RIPK4: variants seen among roughly 807,000 people sequenced by gnomAD.
RIPK4 encodes receptor-interacting serine/threonine-protein kinase 4.
Under a neutral mutation model 42.9 loss-of-function variants are expected in RIPK4, and 17 were observed. The ratio of observed to expected loss-of-function variants is 0.40; its 90% confidence interval spans 0.27 to 0.59. The LOEUF (loss-of-function observed/expected upper bound fraction) is 0.59, where lower values mean the gene tolerates loss of function less well. Ranked by LOEUF, RIPK4 falls within the 20% of genes least tolerant of loss-of-function variation. The pLI, the probability that RIPK4 is intolerant of heterozygous loss-of-function variation, is 0.47. For missense variants in RIPK4, 897 were observed against 1,104.4 expected, an observed-to-expected ratio of 0.81 and a Z score of 2.66; for synonymous variants, 498 against 499.1, an observed-to-expected ratio of 1.00 and a Z score of 0.03.
intron 1 of RIPK4, among the ~76,000 whole-genome samples, chr21:41,766,116 C>T (rs983682690): frequency 2.0e-5 from 3 of 152,260 alleles, no homozygotes; most frequent in African/African-American, 7.2e-5. Context: ...AAGGCCCTTC[C>T]CTAGCGGGTC....
chr21:41,751,172 C>A lies in RIPK4; in HGVS notation c.548G>T (p.Gly183Val). The change falls in exon 3 of 8, where the codon GGC (glycine) becomes GTC (valine). Residue 183 changes from glycine to valine, a missense_variant. Physicochemically the swap from Gly to Val is moderately radical, Grantham distance 109. Transcript: ENST00000332512. This position sits in a 1 kb window ranked among gnomAD's most constrained non-coding sequence, Gnocchi z 4.5. ...SHDLSMDGLFGTIAYLPPERI... is the reference protein window; with the variant it reads ...SHDLSMDGLFVTIAYLPPERI... Reference sequence around the variant, plus strand: ...CTCTGGAGGGAGGTAGGCGATTGTGCCAAACAGGCCATCCATGCTGAGGTC... The same window carrying A: ...CTCTGGAGGGAGGTAGGCGATTGTGACAAACAGGCCATCCATGCTGAGGTC... 6.2e-7 allele frequency: 1 copy of A among 1,614,230 alleles called. No individual in the cohort carries two copies. Among genetic ancestry groups the A allele is most frequent in the Non-Finnish European group, 8.5e-7 (1 of 1,180,038 alleles).
rs1408281970 is a variant in RIPK4, at chr21:41,739,938, A to T, written c.*900T>A. Reference sequence around the variant, plus strand: ...AATTTTATCTTCATACTGCGTGTGGAGATAAAAAACACAGCTTCTCCTGCA... The same window carrying T: ...AATTTTATCTTCATACTGCGTGTGGTGATAAAAAACACAGCTTCTCCTGCA... On this transcript the variant is annotated 3_prime_UTR_variant, in exon 8 of 8. Transcript: ENST00000332512. 2.0e-5 allele frequency: 3 copies of T among 152,232 alleles called. No individual in the cohort carries two copies. Among genetic ancestry groups the T allele is most frequent in the Non-Finnish European group, 4.4e-5 (3 of 68,044 alleles). The allele number at this position is 152,232 out of a possible 1,614,324, so 9.4% of individuals were successfully genotyped here. A position where few individuals can be genotyped will look rare whatever the true frequency, so the allele number is the denominator to read the frequency against.
Position 41,744,758 on chromosome 21 carries a change from G to A in RIPK4, c.937-618C>T, listed in dbSNP as rs140132617. On this transcript the variant is annotated intron_variant, in intron 6 of 7. Coordinates refer to ENST00000332512, the MANE Select transcript of RIPK4 (RefSeq NM_020639.3). Reference sequence around the variant, plus strand: ...ACGTGGCCACAACTGCGACCTCCCCGCGGAGCCACGTGGGGCTGGCCTGGG... The same window carrying A: ...ACGTGGCCACAACTGCGACCTCCCCACGGAGCCACGTGGGGCTGGCCTGGG... Among the ~76,000 whole-genome samples the A allele has an allele frequency of 5.4e-3, 824 of 152,278 alleles. 5 individuals are homozygous for A. Among genetic ancestry groups the A allele is most frequent in the African/African-American group, 0.018 (743 of 41,560 alleles).
chr21:41,749,318 C>T, intron 3 of RIPK4, 115 bp from the exon 4 acceptor site: 1 of 954,154 alleles, frequency 1.0e-6, no homozygotes, highest in Non-Finnish European at 1.6e-6. Flanking sequence ...AAAGACAGAG[C>T]CATGACACCG....
chr21:41,749,518 C>G (rs898391686), intron 3 of RIPK4, among the ~76,000 whole-genome samples: 2 of 152,226 alleles, frequency 1.3e-5, no homozygotes, highest in Non-Finnish European at 2.9e-5. Context: ...GCCTGTGTGC[C>G]TCACTGATAT....
chr21:41,743,741 C>T, intron 7 of RIPK4, 141 bp downstream of exon 7: 1 of 1,134,576 alleles, frequency 8.8e-7, no homozygotes. Flanking sequence ...AAATTAATTA[C>T]TTAAGACAGA....
At chr21:41,743,859 G>A (rs2061161859) in intron 7 of RIPK4, 23 bp downstream of exon 7, 3 of 1,562,640 alleles carry the variant, frequency 1.9e-6, no homozygotes, top group Non-Finnish European at 2.6e-6. Flanking sequence ...CATCTCTCGG[G>A]ACACAGAGGC....
At chr21:41,758,033 T>A in intron 1 of RIPK4, among the ~76,000 whole-genome samples, 1 of 96,100 alleles carries the variant, frequency 1.0e-5, no homozygotes, top group Non-Finnish European at 1.9e-5. Flanking sequence ...TATATATATA[T>A]ATATATATAG....
rs2061238962 is a variant in RIPK4, at chr21:41,766,870, C to T, written c.172G>A (p.Val58Ile). The T allele has an allele frequency of 6.2e-7, 1 of 1,609,208 alleles. No individual in the cohort carries two copies. ...LAIKCSPSLH[V>I]DDRERMELLE... The stretch of plus-strand genomic sequence containing the variant: ...GCCCGGGCCGCTCACCTGTCGTCGA[C>T]GTGCAGGCTGGGCGAGCACTTGATG... Residue 58 changes from valine (V) to isoleucine (I), a missense_variant, in exon 1 of 8, where the codon GTC becomes ATC. Transcript: ENST00000332512.
chr21:41,746,628 T>G lies in RIPK4; in HGVS notation c.817A>C (p.Arg273=). 1 of 1,610,222 alleles carries G rather than the reference T, an allele frequency of 6.2e-7. No individual in the cohort carries two copies. The highest frequency in any genetic ancestry group is 8.5e-7 in the Non-Finnish European group (1 of 1,179,684). The stretch of plus-strand genomic sequence containing the variant: ...GGGTGCTCACCTTGGAAGGTGGGCC[T>G]AACTCGCGGATCCCCCTGCCAGCAC... ...QRCWQGDPRV[R]PTFQEITSET... Residue 273 remains arginine, a synonymous_variant, in exon 5 of 8, where the codon AGG becomes CGG. Coordinates refer to ENST00000332512, the MANE Select transcript of RIPK4 (RefSeq NM_020639.3).
rs781646416 is a variant in RIPK4 at position 41,741,483 on chromosome 21, G to A, written c.1710C>T (p.Ala570=). The A allele has an allele frequency of 3.1e-6, 5 of 1,612,534 alleles. No homozygotes were observed. The highest frequency in any genetic ancestry group is 4.2e-6 in the Non-Finnish European group (5 of 1,179,964). ...GVDVSLQGKD[A]WLPLHYAAWQ... is the part of the protein sequence containing the mutation. The stretch of plus-strand genomic sequence containing the variant: ...AGGCAGCGTAGTGCAGTGGCAGCCA[G>A]GCATCCTTGCCCTGCAGGCTCACGT... The change falls in exon 8 of 8, where the codon GCC becomes GCT. Residue 570 remains alanine (A), a synonymous_variant. Transcript: ENST00000332512.
rs963858737 is a variant in RIPK4 at position 41,740,574 on chromosome 21, A to G, written c.*264T>C. The G allele has an allele frequency of 6.7e-5, 33 of 489,794 alleles. No individual in the cohort carries two copies. The Admixed American group carries it at 8.6e-4, about 13-fold the overall frequency. The allele number at this position is 489,794 out of a possible 1,614,324, so 30.3% of individuals were successfully genotyped here. On this transcript the variant is annotated 3_prime_UTR_variant, in exon 8 of 8. Coordinates refer to ENST00000332512, the MANE Select transcript of RIPK4 (RefSeq NM_020639.3). ...AGCCTCAGCGACCCATTAGGAGCAC[A>G]ACGAAATGATTCTGACCCACGGTCC...
chr21:41,751,711 G>T lies in RIPK4; in HGVS notation c.475-466C>A, dbSNP rs73369691. Among the ~76,000 whole-genome samples, 9 of 152,346 alleles carry T rather than the reference G, an allele frequency of 5.9e-5. No individual in the cohort carries two copies. The highest frequency in any genetic ancestry group is 1.7e-4 in the African/African-American group (7 of 41,576). On this transcript the variant is annotated intron_variant, in intron 2 of 7. Coordinates refer to ENST00000332512, the MANE Select transcript of RIPK4 (RefSeq NM_020639.3). This position sits in a 1 kb window ranked among gnomAD's most constrained non-coding sequence, Gnocchi z 4.5. ...TGCAACCTGCCAGCTGGGGAGGCTG[G>T]CGGGCAAGTGGCTGCAAGTCCTTTA...
intron 3 of RIPK4, among the ~76,000 whole-genome samples, chr21:41,750,224 G>A (rs570491304): frequency 4.6e-5 from 7 of 152,220 alleles, no homozygotes; most frequent in African/African-American, 9.6e-5. Flanking sequence ...GCTCACATGC[G>A]GGGTCCGAGT....
chr21:41,745,045 T>C (rs1172009275), intron 6 of RIPK4, among the ~76,000 whole-genome samples: 2 of 152,164 alleles, frequency 1.3e-5, no homozygotes, highest in African/African-American at 4.8e-5. Flanking sequence ...CCCTACATGT[T>C]GGTTGCCTTC....
At position 41,741,187 on chromosome 21, in the gene RIPK4, T is replaced by A. The variant is rs765761293; in HGVS notation, c.2006A>T (p.Asp669Val). Reference sequence around the variant, plus strand: ...AGCCAGGTGCAGAGCGGTGTAGCCGTCTGAGGTCATGGCCTCCTTGCCAGC... The same window carrying A: ...AGCCAGGTGCAGAGCGGTGTAGCCGACTGAGGTCATGGCCTCCTTGCCAGC... The part of the protein sequence containing the change: ...RGAGKEAMTS[D>V]GYTALHLAAR... The change falls in exon 8 of 8, where the codon GAC (aspartate) becomes GTC (valine). Residue 669 changes from aspartate to valine, a missense_variant. By Grantham distance (152) the Asp-to-Val change is radical. Transcript: ENST00000332512. 7 of 1,611,446 alleles carry A rather than the reference T, an allele frequency of 4.3e-6. No homozygotes were observed. The highest frequency in any genetic ancestry group is 1.6e-4 in the Middle Eastern group (1 of 6,084).
intron 4 of RIPK4, 109 bp downstream of exon 4, chr21:41,749,045 G>A: frequency 9.0e-7 from 1 of 1,117,080 alleles, no homozygotes; most frequent in Non-Finnish European, 1.3e-6. Flanking sequence ...AGCACCTATG[G>A]CAGCGTGGAT....
rs137883802 is a variant in RIPK4, at chr21:41,743,961, C to T, written c.1116G>A (p.Ser372=). The change falls in exon 7 of 8, where the codon TCG becomes TCA. Residue 372 remains serine, a synonymous_variant. Transcript: ENST00000332512. ...LPSSGSGKRL[S]GVSSVDSAFS... ...AGGCGGAGTCCACCGAGGACACCCC[C>T]GAGAGCCTCTTCCCACTGCCGGACG... 125 of 1,613,298 alleles carry T rather than the reference C, an allele frequency of 7.7e-5. No individual in the cohort carries two copies. The Middle Eastern group carries it at 1.2e-3, about 15-fold the overall frequency.
At chr21:41,757,300 C>A (rs574935012) in intron 1 of RIPK4, among the ~76,000 whole-genome samples, 1 of 152,204 alleles carries the variant, frequency 6.6e-6, no homozygotes, top group South Asian at 2.1e-4. Flanking sequence ...GCGGATGGAT[C>A]ACCTGAGGTC....
Sources: gnomAD v4.1 joint callset for allele counts (sites outside exome capture counted in the v4.1 genomes callset) on GRCh38, gnomAD v4.1.1 for gene constraint, Gnocchi (gnomAD v3.1) non-coding constraint, MANE v1.5 for transcripts, NCBI Gene and HGNC (gene_info 2026-07-23, HGNC 2026-07-21) for gene names.